The following TCF7L1 variants were observed in gnomAD, a reference collection of about 807,000 sequenced individuals.
TCF7L1 encodes transcription factor 7-like 1.
A neutral mutation model predicts 63.7 loss-of-function variants in TCF7L1; 18 were observed. That is an observed-to-expected ratio of 0.28 (90% CI 0.20 to 0.42). The LOEUF (loss-of-function observed/expected upper bound fraction) is 0.42. Ranked by LOEUF, TCF7L1 falls within the 10% of genes least tolerant of loss-of-function variation. TCF7L1 has a pLI of 1.00. For missense variants in TCF7L1, 654 were observed against 779.3 expected (o/e 0.84, Z 1.91); for synonymous variants, 355 against 340.9 (o/e 1.04, Z -0.46).
At chr2:85,165,998 C>CT (rs1678408650) in intron 3 of TCF7L1, among the ~76,000 whole-genome samples, 1 of 152,190 alleles carries the variant, frequency 6.6e-6, no homozygotes. Context: ...ATTTGTGTAA[C>CT]TAACACCACA....
At chr2:85,164,135 A>G (rs1314821860) in intron 3 of TCF7L1, among the ~76,000 whole-genome samples, 3 of 151,506 alleles carry the variant, frequency 2.0e-5, no homozygotes, top group Non-Finnish European at 4.4e-5. Flanking sequence ...CTTTACACCC[A>G]CTCTCACCCT....
chr2:85,309,501 G>C lies in TCF7L1; in HGVS notation c.*39G>C. The C allele has an allele frequency of 6.6e-7, 1 of 1,503,942 alleles. No individual in the cohort carries two copies. The highest frequency in any genetic ancestry group is 8.9e-7 in the Non-Finnish European group (1 of 1,123,944). The allele number at this position is 1,503,942 out of a possible 1,614,324, so 93.2% of individuals were successfully genotyped here. A position where few individuals can be genotyped will look rare whatever the true frequency, so the allele number is the denominator to read the frequency against. The stretch of plus-strand genomic sequence containing the variant: ...CCTGCAGGCTGTCACATGACTCATT[G>C]AGTAGTAATGATTCAGAAGAAAAAG... On this transcript the variant is annotated 3_prime_UTR_variant, in exon 12 of 12. Transcript: ENST00000282111.
intron 3 of TCF7L1, among the ~76,000 whole-genome samples, chr2:85,266,988 A>G (rs1246547023): frequency 6.6e-6 from 1 of 152,160 alleles, no homozygotes; most frequent in Non-Finnish European, 1.5e-5. Flanking sequence ...GAGTGCCAGG[A>G]TGGGCTGCAG....
chr2:85,208,394 G>A (rs1429402820), intron 3 of TCF7L1, among the ~76,000 whole-genome samples: 1 of 152,142 alleles, frequency 6.6e-6, no homozygotes, highest in Non-Finnish European at 1.5e-5. Context: ...CGTATACAGC[G>A]TGTCAGGTGG....
intron 3 of TCF7L1, among the ~76,000 whole-genome samples, chr2:85,245,587 C>A (rs1009654145): frequency 7.2e-5 from 11 of 152,106 alleles, no homozygotes; most frequent in African/African-American, 2.7e-4. Flanking sequence ...CCGAGGCGGG[C>A]AGATCACGAG....
chr2:85,269,192 A>G (rs756422602), intron 3 of TCF7L1, among the ~76,000 whole-genome samples: 4 of 152,212 alleles, frequency 2.6e-5, no homozygotes, highest in Non-Finnish European at 5.9e-5. Flanking sequence ...TAGCCCCTGG[A>G]TGGCCACAAA....
At chr2:85,168,149 A>G (rs1262406158) in intron 3 of TCF7L1, among the ~76,000 whole-genome samples, 4 of 151,790 alleles carry the variant, frequency 2.6e-5, no homozygotes, top group Non-Finnish European at 5.9e-5. Flanking sequence ...GGGCACTTAC[A>G]ACTTTATTAA....
intron 3 of TCF7L1, among the ~76,000 whole-genome samples, chr2:85,170,686 G>A (rs1319268156): frequency 1.3e-5 from 2 of 151,988 alleles, no homozygotes; most frequent in Non-Finnish European, 2.9e-5. Context: ...CTTAGTACCC[G>A]GACATCCCAG....
intron 3 of TCF7L1, among the ~76,000 whole-genome samples, chr2:85,156,781 G>A (rs1380088912): frequency 6.6e-6 from 1 of 152,188 alleles, no homozygotes. Context: ...ATGTGTATAC[G>A]CGCATGCATG....
intron 4 of TCF7L1, among the ~76,000 whole-genome samples, chr2:85,288,863 C>T (rs1488967432): frequency 6.6e-6 from 1 of 152,152 alleles, no homozygotes; most frequent in Admixed American, 6.5e-5. Context: ...CCTCCAGTGT[C>T]CCCCAGGAGC....
chr2:85,275,098 C>T (rs1358610463), intron 3 of TCF7L1, among the ~76,000 whole-genome samples: 3 of 152,256 alleles, frequency 2.0e-5, no homozygotes, highest in Admixed American at 6.5e-5. Flanking sequence ...CACCTCAACA[C>T]GGTCGGCACT....
At chr2:85,160,776 T>C (rs549294876) in intron 3 of TCF7L1, among the ~76,000 whole-genome samples, 1 of 152,094 alleles carries the variant, frequency 6.6e-6, no homozygotes, top group East Asian at 1.9e-4. Flanking sequence ...CACTTTAGCT[T>C]GGGAAGCAGA....
intron 4 of TCF7L1, among the ~76,000 whole-genome samples, chr2:85,294,277 G>T (rs550996786): frequency 2.7e-5 from 4 of 150,014 alleles, no homozygotes; most frequent in East Asian, 1.9e-4. Flanking sequence ...ACCTTGTGAC[G>T]TGCCCGCCTC....
In TCF7L1 at chr2:85,168,542, TCCAC is replaced by T. The variant is rs146583540; in HGVS notation, c.441+34098_441+34101del. ...TGGGTGCTGCCGAGTCTGAGCACCATCCACCCACCGCCTGGTAGAGCTGCGTGGA... is the reference window on the plus strand; with the variant it reads ...TGGGTGCTGCCGAGTCTGAGCACCATCCACCGCCTGGTAGAGCTGCGTGGA... On this transcript the variant is annotated intron_variant, in intron 3 of 11. Transcript: ENST00000282111. Among the ~76,000 whole-genome samples the T allele has an allele frequency of 7.5e-3, 1,142 of 151,784 alleles. 17 individuals carry two copies. The highest frequency in any genetic ancestry group is 0.037 in the South Asian group (177 of 4,782).
intron 3 of TCF7L1, among the ~76,000 whole-genome samples, chr2:85,221,643 A>G (rs1679842761): frequency 6.6e-6 from 1 of 152,196 alleles, no homozygotes; most frequent in Non-Finnish European, 1.5e-5. Flanking sequence ...CCACTCCCAC[A>G]ATAAGGGCAT....
At chr2:85,237,669 G>GGAGAAGA (rs1487591335) in intron 3 of TCF7L1, among the ~76,000 whole-genome samples, 2 of 150,658 alleles carry the variant, frequency 1.3e-5, no homozygotes, top group Non-Finnish European at 3.0e-5. Context: ...CTTGGAGAGT[G>GGAGAAGA]GAGAAGAGAG....
chr2:85,283,745 G>A (rs1681478311), intron 4 of TCF7L1, among the ~76,000 whole-genome samples, 167 bp downstream of exon 4: 1 of 152,164 alleles, frequency 6.6e-6, no homozygotes, highest in African/African-American at 2.4e-5. Flanking sequence ...ATTGGGTTGT[G>A]ACCTCAACAC....
intron 3 of TCF7L1, among the ~76,000 whole-genome samples, chr2:85,184,850 G>A (rs372259184): frequency 2.2e-4 from 33 of 152,290 alleles, no homozygotes; most frequent in African/African-American, 7.9e-4. Flanking sequence ...GTTTGGCCAG[G>A]CGGGCTGGGC....
At chr2:85,181,551 C>A (rs1160507492) in intron 3 of TCF7L1, among the ~76,000 whole-genome samples, 1 of 152,056 alleles carries the variant, frequency 6.6e-6, no homozygotes, top group Admixed American at 6.5e-5. Context: ...ACAGGGAACC[C>A]CAGGCAGCTC....
Sources: allele counts gnomAD v4.1 joint callset (sites outside exome capture counted in the v4.1 genomes callset), GRCh38; gene constraint gnomAD v4.1.1; transcripts MANE v1.5; gene names NCBI Gene and HGNC (gene_info 2026-07-23, HGNC 2026-07-21).